SYT16: variants seen among roughly 807,000 people sequenced by gnomAD.
The protein encoded by SYT16 is synaptotagmin 16, also known as synaptotagmin-16.
Under a neutral mutation model 61.4 loss-of-function variants are expected in SYT16, and 42 were observed. The observed-to-expected ratio is 0.68, with a 90% CI of 0.53 to 0.89. The LOEUF is 0.89. Ranked by LOEUF, SYT16 falls within the 40% of genes least tolerant of loss-of-function variation. The pLI is 0.00. For missense variants in SYT16, 804 were observed against 807.3 expected (o/e 1.00, Z 0.05); for synonymous variants, 314 against 302.3 (o/e 1.04, Z -0.40).
intron 2 of SYT16, among the ~76,000 whole-genome samples, chr14:61,979,910 G>C (rs1242749302): frequency 1.3e-5 from 2 of 152,240 alleles, no homozygotes; most frequent in African/African-American, 4.8e-5. Flanking sequence ...CACTGGGATA[G>C]TTTTTGACGG....
intron 1 of SYT16, among the ~76,000 whole-genome samples, chr14:61,841,666 T>C (rs1594740392): frequency 6.6e-6 from 1 of 152,202 alleles, no homozygotes; most frequent in African/African-American, 2.4e-5. Flanking sequence ...TCCTTCCCTC[T>C]GTGGAGTCCC....
chr14:61,945,521 G>T (rs1304877986), intron 1 of SYT16, among the ~76,000 whole-genome samples: 1 of 152,182 alleles, frequency 6.6e-6, no homozygotes, highest in African/African-American at 2.4e-5. Context: ...TAAAGAAAAT[G>T]TGGCATATAT....
rs150761741 is a variant in SYT16, at chr14:61,922,780, T to C, written c.-324-47352T>C. Among the ~76,000 whole-genome samples, 1,320 of 152,308 alleles carry C rather than the reference T, an allele frequency of 8.7e-3. 9 individuals are homozygous for C. Among genetic ancestry groups the C allele is most frequent in the Middle Eastern group, 0.031 (9 of 294 alleles). On this transcript the variant is annotated intron_variant, in intron 1 of 7. Transcript: ENST00000683842. ...TGGACTATTTGTAGGCCAGGCGTGG[T>C]AGCTCACGCCTGTAATCCCACCACT...
rs1326044265 is a variant in SYT16 at position 61,996,231 on chromosome 14, A to C, written c.212A>C (p.Glu71Ala). ...QIQETYFEDE[E>A]QDNDWSQEDA... ...CAGGAAACGTACTTTGAAGATGAAGAACAAGACAATGATTGGAGTCAAGAG... is the reference window on the plus strand; with the variant it reads ...CAGGAAACGTACTTTGAAGATGAAGCACAAGACAATGATTGGAGTCAAGAG... Residue 71 changes from glutamate to alanine, a missense_variant, in exon 3 of 8, where the codon GAA becomes GCA. Physicochemically the swap from Glu to Ala is moderately radical, Grantham distance 107. Transcript: ENST00000683842. 1 of 1,613,502 alleles carries C rather than the reference A, an allele frequency of 6.2e-7. No individual in the cohort carries two copies.
At chr14:62,083,383 C>G (rs1272365821) in intron 6 of SYT16, among the ~76,000 whole-genome samples, 1 of 152,162 alleles carries the variant, frequency 6.6e-6, no homozygotes, top group African/African-American at 2.4e-5. Context: ...CCCACAGGGT[C>G]GATTCCTACT....
intron 2 of SYT16, among the ~76,000 whole-genome samples, chr14:61,982,457 A>G (rs1347303961): frequency 2.0e-5 from 3 of 152,082 alleles, no homozygotes; most frequent in Non-Finnish European, 4.4e-5. Flanking sequence ...AATGAAAGGG[A>G]TTTCCCCTTA....
intron 1 of SYT16, among the ~76,000 whole-genome samples, chr14:61,929,303 T>A (rs1042057248): frequency 8.5e-5 from 13 of 152,322 alleles, no homozygotes; most frequent in African/African-American, 2.6e-4. Flanking sequence ...TTGAGTTGTT[T>A]AAATTTTATG....
intron 3 of SYT16, among the ~76,000 whole-genome samples, chr14:62,044,543 C>T (rs1181931885): frequency 1.3e-5 from 2 of 152,050 alleles, no homozygotes; most frequent in East Asian, 1.9e-4. Context: ...TGGGTGAGAA[C>T]ATGAGGTGTT....
At chr14:62,051,449 C>T (rs965989315) in intron 3 of SYT16, among the ~76,000 whole-genome samples, 8 of 152,218 alleles carry the variant, frequency 5.3e-5, no homozygotes, top group African/African-American at 1.9e-4. Context: ...CCTGCTTTGG[C>T]TCATGTACGG....
rs927305821 is a variant in SYT16 at position 61,963,414 on chromosome 14, T to C, written c.-324-6718T>C. 3.9e-5 allele frequency among the ~76,000 whole-genome samples: 6 copies of C among 152,304 alleles called. No individual in the cohort carries two copies. In the South Asian group the frequency reaches 6.2e-4, roughly 16 times the overall value. On this transcript the variant is annotated intron_variant, in intron 1 of 7. Transcript: ENST00000683842. ...AAGCAAAACAGCCTTATTGCTGATA[T>C]GGAGAAGGTTTTAGTGGTCTATATA...
intron 3 of SYT16, among the ~76,000 whole-genome samples, chr14:62,050,405 C>T (rs575614276): frequency 6.6e-6 from 1 of 152,198 alleles, no homozygotes; most frequent in South Asian, 2.1e-4. Flanking sequence ...AACTTCTTTG[C>T]CATTGGTTCG....
chr14:61,876,321 C>G (rs530747938), intron 1 of SYT16, among the ~76,000 whole-genome samples: 2 of 152,178 alleles, frequency 1.3e-5, no homozygotes, highest in Non-Finnish European at 2.9e-5. Context: ...CTCGCACTCA[C>G]GCTGAAATGT....
chr14:61,978,052 CCTT>C (rs1366815951), intron 2 of SYT16, among the ~76,000 whole-genome samples: 2 of 152,150 alleles, frequency 1.3e-5, no homozygotes, highest in South Asian at 2.1e-4. Context: ...CTTCACCTCA[CCTT>C]CTTCTCTGTG....
intron 1 of SYT16, among the ~76,000 whole-genome samples, chr14:61,952,974 G>A (rs1259804334): frequency 6.6e-6 from 1 of 151,974 alleles, no homozygotes; most frequent in African/African-American, 2.4e-5. Context: ...ATATTATTAC[G>A]CTTATAATGC....
chr14:61,868,675 A>C (rs2047235805), intron 1 of SYT16, among the ~76,000 whole-genome samples: 1 of 152,020 alleles, frequency 6.6e-6, no homozygotes, highest in African/African-American at 2.4e-5. Flanking sequence ...TTTGTATGAG[A>C]TGATTCCTTT....
intron 2 of SYT16, among the ~76,000 whole-genome samples, chr14:61,971,274 C>G (rs997309487): frequency 6.6e-6 from 1 of 152,204 alleles, no homozygotes; most frequent in African/African-American, 2.4e-5. Context: ...AATTCATTAT[C>G]TAACAGTTCT....
chr14:61,893,132 T>C (rs1397073478), intron 1 of SYT16, among the ~76,000 whole-genome samples: 1 of 152,180 alleles, frequency 6.6e-6, no homozygotes, highest in Non-Finnish European at 1.5e-5. Context: ...CTGTTCTTGA[T>C]CTTACCAGAA....
In SYT16 at chr14:62,081,076, C is replaced by T. The variant is rs934068341; in HGVS notation, c.1236C>T (p.Pro412=). 6.2e-6 allele frequency: 10 copies of T among 1,613,710 alleles called. No homozygotes were observed. Among genetic ancestry groups the T allele is most frequent in the East Asian group, 4.5e-5 (2 of 44,854 alleles). The change falls in exon 6 of 8, where the codon CCC becomes CCT. Residue 412 remains proline (P), a synonymous_variant. Transcript: ENST00000683842. ...GRTNIQRGPN[P]VFREKVTFAK... ...CGAACATACAGAGAGGGCCCAACCC[C>T]GTCTTCAGGGAGAAGGTCACCTTTG...
chr14:61,910,428 G>C (rs1279954551), intron 1 of SYT16, among the ~76,000 whole-genome samples: 5 of 151,448 alleles, frequency 3.3e-5, no homozygotes, highest in African/African-American at 1.2e-4. Context: ...TAGTAGAGAT[G>C]GGGTTTTACC....
Sources: gnomAD v4.1 joint callset for allele counts (sites outside exome capture counted in the v4.1 genomes callset) on GRCh38, gnomAD v4.1.1 for gene constraint, MANE v1.5 for transcripts, NCBI Gene and HGNC (gene_info 2026-07-23, HGNC 2026-07-21) for gene names.